RFTN1: variants seen among roughly 807,000 people sequenced by gnomAD.
RFTN1 encodes raftlin, lipid raft linker 1, also known as raftlin.
Under a neutral mutation model 46.5 loss-of-function variants are expected in RFTN1, and 26 were observed. That is an observed-to-expected ratio of 0.56 (90% CI 0.41 to 0.78). The LOEUF (loss-of-function observed/expected upper bound fraction) is 0.78. RFTN1 is among the 30% of genes least tolerant of loss of function. The pLI is 0.00. For synonymous variants in RFTN1, 261 were observed against 284.2 expected (o/e 0.92, Z 0.82); for missense variants, 693 against 718.7 (o/e 0.96, Z 0.41).
chr3:16,435,426 C>A (rs1033599671), intron 2 of RFTN1, among the ~76,000 whole-genome samples: 5 of 152,022 alleles, frequency 3.3e-5, no homozygotes, highest in African/African-American at 1.2e-4. Context: ...AAAAATTAGT[C>A]CGGTGTGGTG....
At position 16,465,713 on chromosome 3, in the gene RFTN1, GA is replaced by G. The variant is rs1305354735; in HGVS notation, c.145+28011del. Among the ~76,000 whole-genome samples, 1 of 152,116 alleles carries G rather than the reference GA, an allele frequency of 6.6e-6. No homozygotes were observed. The highest frequency in any genetic ancestry group is 1.5e-5 in the Non-Finnish European group (1 of 68,026). On this transcript the variant is annotated intron_variant, in intron 2 of 9. Coordinates refer to ENST00000334133, the MANE Select transcript of RFTN1 (RefSeq NM_015150.2). This position sits in a 1 kb window ranked among gnomAD's most constrained non-coding sequence, Gnocchi z 5.1. ...ACACCCACCAAAAAGACCTGCTGGG[GA>G]CAGCTAATCTTTTTCTTTTCACTAT...
rs1156287463 is a variant in RFTN1, at chr3:16,407,998, C to T, written c.441+1377G>A. Among the ~76,000 whole-genome samples, 2 of 152,154 alleles carry T rather than the reference C, an allele frequency of 1.3e-5. No homozygotes were observed. Among genetic ancestry groups the T allele is most frequent in the Non-Finnish European group, 2.9e-5 (2 of 68,030 alleles). ...TGAAGGGAGGGTGGCAGCAAGGAAA[C>T]AAATCTCCTTTAAAGGGACAGCCTA... is the stretch of plus-strand genomic sequence containing the variant. On this transcript the variant is annotated intron_variant, in intron 4 of 9. Transcript: ENST00000334133. The surrounding 1 kb of genome is among the most constrained non-coding windows in gnomAD (Gnocchi z 4.0).
In RFTN1 at chr3:16,402,910, G is replaced by A. The variant is rs1469693563; in HGVS notation, c.441+6465C>T. 6.6e-6 allele frequency among the ~76,000 whole-genome samples: 1 copy of A among 152,154 alleles called. No individual in the cohort carries two copies. Among genetic ancestry groups the A allele is most frequent in the Non-Finnish European group, 1.5e-5 (1 of 68,034 alleles). ...ACCTAGTTCTTAAGGAGATCAGGGA[G>A]GTCAGGAGCTCCATCACAAAAGGGA... On this transcript the variant is annotated intron_variant, in intron 4 of 9. Coordinates refer to ENST00000334133, the MANE Select transcript of RFTN1 (RefSeq NM_015150.2). The surrounding 1 kb of genome is among the most constrained non-coding windows in gnomAD (Gnocchi z 4.5).
rs1324267991 is a variant in RFTN1, at chr3:16,440,942, A to G, written c.146-6905T>C. 6.6e-6 allele frequency among the ~76,000 whole-genome samples: 1 copy of G among 152,164 alleles called. No homozygotes were observed. The highest frequency in any genetic ancestry group is 1.5e-5 in the Non-Finnish European group (1 of 68,032). The stretch of plus-strand genomic sequence containing the variant: ...CAGTGTGAGCATCAGTCATACATGG[A>G]GGAGGATGTCATTCTGTTCATCCCA... On this transcript the variant is annotated intron_variant, in intron 2 of 9. Coordinates refer to ENST00000334133, the MANE Select transcript of RFTN1 (RefSeq NM_015150.2). The surrounding 1 kb of genome is among the most constrained non-coding windows in gnomAD (Gnocchi z 4.6).
At chr3:16,510,529 C>T (rs2076880466) in intron 1 of RFTN1, among the ~76,000 whole-genome samples, 1 of 152,176 alleles carries the variant, frequency 6.6e-6, no homozygotes. Context: ...CTTCCTATGG[C>T]CCCTCCACCT....
chr3:16,332,843 C>CTACG (rs2070463134), intron 7 of RFTN1, among the ~76,000 whole-genome samples: 3 of 151,838 alleles, frequency 2.0e-5, no homozygotes, highest in African/African-American at 7.3e-5. Flanking sequence ...ATTTATCTAC[C>CTACG]TACCTACCTA....
chr3:16,393,114 C>G (rs1382363504), intron 4 of RFTN1, among the ~76,000 whole-genome samples: 1 of 152,010 alleles, frequency 6.6e-6, no homozygotes, highest in Admixed American at 6.6e-5. Context: ...TAAGTAAAAA[C>G]AGTAACGTGT....
At chr3:16,439,798 A>G (rs60013491) in intron 2 of RFTN1, among the ~76,000 whole-genome samples, 3,073 of 152,246 alleles carry the variant, frequency 0.02, 120 homozygotes, top group African/African-American at 0.07. Flanking sequence ...ATTCTGGGCT[A>G]ACTGTCCTCT....
intron 6 of RFTN1, among the ~76,000 whole-genome samples, chr3:16,368,148 T>C (rs2073314847): frequency 6.6e-6 from 1 of 151,906 alleles, no homozygotes; most frequent in South Asian, 2.1e-4. Flanking sequence ...AGCCAAAGGT[T>C]CCTCCCTGGC....
chr3:16,430,628 A>G, intron 3 of RFTN1, among the ~76,000 whole-genome samples: 1 of 152,200 alleles, frequency 6.6e-6, no homozygotes, highest in East Asian at 1.9e-4. Flanking sequence ...CTCATTTTAC[A>G]TGATAAATTA....
rs887450714 is a variant in RFTN1 at position 16,440,674 on chromosome 3, T to C, written c.146-6637A>G. 1.3e-5 allele frequency among the ~76,000 whole-genome samples: 2 copies of C among 151,054 alleles called. No homozygotes were observed. Among genetic ancestry groups the C allele is most frequent in the African/African-American group, 4.9e-5 (2 of 40,586 alleles). On this transcript the variant is annotated intron_variant, in intron 2 of 9. Transcript: ENST00000334133. This position sits in a 1 kb window ranked among gnomAD's most constrained non-coding sequence, Gnocchi z 4.6. ...CCCCATCTTGCCCAAGGGGACAAGA[T>C]GGTTACTGCTAATGGGGGGGGGGCC...
chr3:16,469,705 C>A (rs576301567), intron 2 of RFTN1, among the ~76,000 whole-genome samples: 1 of 152,232 alleles, frequency 6.6e-6, no homozygotes, highest in East Asian at 1.9e-4. Flanking sequence ...CCACAGAGGA[C>A]GGCCTTGGGC....
rs115177910 is a variant in RFTN1, at chr3:16,361,520, G to A, written c.1031-3473C>T. ...ATTTTTGAAAGAGGCATCAGGGTAGGGCTCCCCACTTCGAGTGAACTAAGC... is the reference window on the plus strand; with the variant it reads ...ATTTTTGAAAGAGGCATCAGGGTAGAGCTCCCCACTTCGAGTGAACTAAGC... On this transcript the variant is annotated intron_variant, in intron 6 of 9. Transcript: ENST00000334133. The surrounding 1 kb of genome is among the most constrained non-coding windows in gnomAD (Gnocchi z 4.3). Among the ~76,000 whole-genome samples, 528 of 152,248 alleles carry A rather than the reference G, an allele frequency of 3.5e-3. No individual in the cohort carries two copies. Among genetic ancestry groups the A allele is most frequent in the Non-Finnish European group, 6.3e-3 (428 of 68,006 alleles).
rs1301643116 is a variant in RFTN1, at chr3:16,504,249, AAT to A, written c.-9+9191_-9+9192del. The stretch of plus-strand genomic sequence containing the variant: ...ATAGCACACATAAACTGAAAGAAGA[AAT>A]ATTTTTTCTTTCATTCTTAACTAAC... On this transcript the variant is annotated intron_variant, in intron 1 of 9. Coordinates refer to ENST00000334133, the MANE Select transcript of RFTN1 (RefSeq NM_015150.2). This position sits in a 1 kb window ranked among gnomAD's most constrained non-coding sequence, Gnocchi z 4.4. Among the ~76,000 whole-genome samples, 1 of 152,220 alleles carries A rather than the reference AAT, an allele frequency of 6.6e-6. No homozygotes were observed. Among genetic ancestry groups the A allele is most frequent in the Non-Finnish European group, 1.5e-5 (1 of 68,042 alleles).
chr3:16,388,786 T>G (rs2074274969), intron 4 of RFTN1, among the ~76,000 whole-genome samples: 1 of 152,192 alleles, frequency 6.6e-6, no homozygotes, highest in African/African-American at 2.4e-5. Context: ...ACAAAGGCAC[T>G]AAGATGAGGC....
rs2075980446 is a variant in RFTN1, at chr3:16,459,967, C to G, written c.146-25930G>C. 6.6e-6 allele frequency among the ~76,000 whole-genome samples: 1 copy of G among 151,994 alleles called. No homozygotes were observed. Among genetic ancestry groups the G allele is most frequent in the Non-Finnish European group, 1.5e-5 (1 of 68,000 alleles). On this transcript the variant is annotated intron_variant, in intron 2 of 9. Transcript: ENST00000334133. This position sits in a 1 kb window ranked among gnomAD's most constrained non-coding sequence, Gnocchi z 4.2. ...TTTTTTTCTTCTCAGATAACTGAAGCCAAGACATTTTTGAGAACATGAATT... is the reference window on the plus strand; with the variant it reads ...TTTTTTTCTTCTCAGATAACTGAAGGCAAGACATTTTTGAGAACATGAATT...
Position 16,376,197 on chromosome 3 carries a change from G to T in RFTN1, c.826+1521C>A, listed in dbSNP as rs1344294644. ...CTGAGCCTGTACCCCAATAATAGCA[G>T]CTCATACTCATGAGTCAAACAGTGC... On this transcript the variant is annotated intron_variant, in intron 5 of 9. Coordinates refer to ENST00000334133, the MANE Select transcript of RFTN1 (RefSeq NM_015150.2). The surrounding 1 kb of genome is among the most constrained non-coding windows in gnomAD (Gnocchi z 4.7). Among the ~76,000 whole-genome samples the T allele has an allele frequency of 1.3e-5, 2 of 152,154 alleles. No individual in the cohort carries two copies. Among genetic ancestry groups the T allele is most frequent in the Non-Finnish European group, 2.9e-5 (2 of 68,014 alleles).
chr3:16,461,547 C>A (rs757855379), intron 2 of RFTN1, among the ~76,000 whole-genome samples: 1 of 152,108 alleles, frequency 6.6e-6, no homozygotes, highest in Non-Finnish European at 1.5e-5. Flanking sequence ...AAGGCCTGGC[C>A]ACAGACAATA....
chr3:16,318,708 T>A (rs1198844005), intron 9 of RFTN1, among the ~76,000 whole-genome samples: 3 of 152,172 alleles, frequency 2.0e-5, no homozygotes, highest in African/African-American at 4.8e-5. Context: ...GAGGTTAGGA[T>A]TTAACATTTA....
Sources: allele counts gnomAD v4.1 joint callset (sites outside exome capture counted in the v4.1 genomes callset), GRCh38; gene constraint gnomAD v4.1.1; non-coding constraint Gnocchi (gnomAD v3.1); transcripts MANE v1.5; gene names NCBI Gene and HGNC (gene_info 2026-07-23, HGNC 2026-07-21).